Variants in SRBD1 observed in about 807,000 individuals in gnomAD.
SRBD1 encodes the protein S1 RNA-binding domain-containing protein 1.
Under a neutral mutation model 115.3 loss-of-function variants are expected in SRBD1, and 88 were observed. That is an observed-to-expected ratio of 0.76 (90% CI 0.64 to 0.91). SRBD1 has a LOEUF of 0.91. Among genes scored for constraint, SRBD1 ranks in the 40% least tolerant of loss-of-function variants. The probability of loss-of-function intolerance (pLI) is 0.00; values close to 1 mark genes in which losing one functional copy is unlikely to be tolerated. For missense variants in SRBD1, 1,385 were observed against 1,177.4 expected (o/e 1.18, Z -2.58); for synonymous variants, 509 against 407.7 (o/e 1.25, Z -2.99).
At chr2:45,498,163 G>A (rs945694102) in intron 14 of SRBD1, among the ~76,000 whole-genome samples, 1 of 151,808 alleles carries the variant, frequency 6.6e-6, no homozygotes, top group African/African-American at 2.4e-5. Flanking sequence ...CATTAATGAT[G>A]TAAACCATTT....
At chr2:45,549,288 A>G (rs1309314092) in intron 12 of SRBD1, among the ~76,000 whole-genome samples, 5 of 124,506 alleles carry the variant, frequency 4.0e-5, no homozygotes, top group African/African-American at 8.2e-5. Flanking sequence ...CTATCTCTCA[A>G]TCCACACAGA....
chr2:45,457,943 C>G (rs202199412), intron 16 of SRBD1, among the ~76,000 whole-genome samples: 1 of 152,008 alleles, frequency 6.6e-6, no homozygotes, highest in Non-Finnish European at 1.5e-5. Context: ...TGACTTTTTA[C>G]AAATTTTAAA....
At chr2:45,437,562 T>C (rs1668537402) in intron 16 of SRBD1, among the ~76,000 whole-genome samples, 1 of 151,956 alleles carries the variant, frequency 6.6e-6, no homozygotes, top group African/African-American at 2.4e-5. Flanking sequence ...TTAACAAAAG[T>C]AAATCAAAAT....
At chr2:45,504,364 C>A (rs1647059527) in intron 14 of SRBD1, among the ~76,000 whole-genome samples, 1 of 152,066 alleles carries the variant, frequency 6.6e-6, no homozygotes, top group Admixed American at 6.5e-5. Context: ...GGCATTTTTT[C>A]ATCCAAATTC....
chr2:45,568,156 G>A (rs796978171), intron 9 of SRBD1: 19 of 152,312 alleles, frequency 1.2e-4, no homozygotes, highest in African/African-American at 4.6e-4. Flanking sequence ...AGTCCCATGA[G>A]AGAATGTGAA....
chr2:45,486,585 T>C (rs189966445), intron 15 of SRBD1, among the ~76,000 whole-genome samples: 62 of 151,768 alleles, frequency 4.1e-4, no homozygotes, highest in African/African-American at 1.4e-3. Context: ...AAAAATAAAT[T>C]AGCCAGGCGT....
At chr2:45,421,510 C>CAAAAAA (rs869298079) in intron 16 of SRBD1, among the ~76,000 whole-genome samples, 30 of 22,280 alleles carry the variant, frequency 1.3e-3, no homozygotes, top group African/African-American at 1.8e-3. Context: ...CCGTCTCAAA[C>CAAAAAA]AAAAAAAAAA....
At chr2:45,521,436 G>C (rs1308677142) in intron 14 of SRBD1, among the ~76,000 whole-genome samples, 3 of 151,748 alleles carry the variant, frequency 2.0e-5, no homozygotes, top group Non-Finnish European at 4.4e-5. Context: ...GGAAATGTAA[G>C]TCAAAACCAA....
chr2:45,570,944 G>C (rs1288074522), intron 9 of SRBD1, among the ~76,000 whole-genome samples: 1 of 152,110 alleles, frequency 6.6e-6, no homozygotes. Flanking sequence ...CCAGCCATGA[G>C]GGGTAAGGGA....
intron 14 of SRBD1, chr2:45,546,288 G>A (rs1207436314): frequency 3.0e-6 from 3 of 985,214 alleles, no homozygotes; most frequent in Non-Finnish European, 3.6e-6. Context: ...AAAGAATACT[G>A]GAAATACTTT....
intron 13 of SRBD1, 103 bp from the exon 14 acceptor site, chr2:45,546,942 ATTCT>A: frequency 9.2e-7 from 1 of 1,090,432 alleles, no homozygotes; most frequent in Non-Finnish European, 1.4e-6. Context: ...TGATTCTCTT[ATTCT>A]CTCATATATA....
intron 14 of SRBD1, among the ~76,000 whole-genome samples, chr2:45,493,726 G>A (rs149922404): frequency 7.9e-5 from 12 of 151,236 alleles, no homozygotes; most frequent in African/African-American, 9.7e-5. Flanking sequence ...AGGCAGAATC[G>A]TTTGAATCTG....
At chr2:45,427,112 T>TAG (rs1457879463) in intron 16 of SRBD1, among the ~76,000 whole-genome samples, 1 of 152,178 alleles carries the variant, frequency 6.6e-6, no homozygotes, top group African/African-American at 2.4e-5. Context: ...GAAAAAAGGT[T>TAG]AGAGGAATTG....
intron 14 of SRBD1, among the ~76,000 whole-genome samples, chr2:45,499,564 T>A (rs766496259): frequency 3.3e-5 from 5 of 152,200 alleles, no homozygotes; most frequent in Non-Finnish European, 5.9e-5. Context: ...CCAAAAATCT[T>A]TGCCCAGACC....
At chr2:45,492,532 G>C (rs1047057423) in intron 14 of SRBD1, among the ~76,000 whole-genome samples, 1 of 151,986 alleles carries the variant, frequency 6.6e-6, no homozygotes, top group Non-Finnish European at 1.5e-5. Flanking sequence ...TCCACCTCCC[G>C]GGTTCACACC....
chr2:45,499,972 A>G (rs1670577329), intron 14 of SRBD1, among the ~76,000 whole-genome samples: 1 of 152,094 alleles, frequency 6.6e-6, no homozygotes, highest in Admixed American at 6.5e-5. Flanking sequence ...TGCATTAGCT[A>G]TTTGGGGTCT....
chr2:45,563,128 C>A (rs966762516), intron 9 of SRBD1, among the ~76,000 whole-genome samples: 1 of 152,008 alleles, frequency 6.6e-6, no homozygotes, highest in African/African-American at 2.4e-5. Flanking sequence ...CATGTAAAAT[C>A]CTAGGTGCAA....
intron 14 of SRBD1, among the ~76,000 whole-genome samples, chr2:45,505,413 C>G (rs1670767605): frequency 6.6e-6 from 1 of 152,124 alleles, no homozygotes; most frequent in Admixed American, 6.6e-5. Context: ...CAGAACAAAG[C>G]TGTGGTGCCA....
intron 1 of SRBD1, among the ~76,000 whole-genome samples, chr2:45,610,699 G>A (rs186134860): frequency 3.9e-5 from 6 of 152,296 alleles, no homozygotes; most frequent in South Asian, 4.1e-4. Context: ...AGTTGATTCA[G>A]ACAGGGCCAC....
Sources: allele counts gnomAD v4.1 joint callset (sites outside exome capture counted in the v4.1 genomes callset), GRCh38; gene constraint gnomAD v4.1.1; transcripts MANE v1.5; gene names NCBI Gene and HGNC (gene_info 2026-07-23, HGNC 2026-07-21).